The following EGR4 variants were observed in gnomAD, a reference collection of about 807,000 sequenced individuals.
EGR4 encodes early growth response 4.
EGR4 carries 22 observed loss-of-function variants against 25.4 expected under a neutral mutation model. The observed-to-expected ratio is 0.87, with a 90% CI of 0.62 to 1.24. The LOEUF is 1.24. Among genes scored for constraint, EGR4 ranks in the 50% most tolerant of loss-of-function variants. The pLI is 0.00. For missense variants in EGR4, 742 were observed against 702.9 expected, an observed-to-expected ratio of 1.06 and a Z score of -0.63; for synonymous variants, 375 against 320.1, an observed-to-expected ratio of 1.17 and a Z score of -1.83.
chr2:73,291,803 C>T lies in EGR4; in HGVS notation c.1115G>A (p.Cys372Tyr). Residue 372 changes from cysteine to tyrosine, a missense_variant, in exon 2 of 2, where the codon TGC (cysteine) becomes TAC (tyrosine). By Grantham distance (194) the Cys-to-Tyr change is radical. Coordinates refer to ENST00000436467, the MANE Select transcript of EGR4 (RefSeq NM_001965.4). ...GAAGGCCTTGGCGTGCGGCCGCGGGCAGAAGCAGCGCGTGCTGCATTTGCC... is the reference window on the plus strand; with the variant it reads ...GAAGGCCTTGGCGTGCGGCCGCGGGTAGAAGCAGCGCGTGCTGCATTTGCC... ...RGGKCSTRCF[C>Y]PRPHAKAFAC... 1 of 1,594,608 alleles carries T rather than the reference C, an allele frequency of 6.3e-7. No individual in the cohort carries two copies. Among genetic ancestry groups the T allele is most frequent in the South Asian group, 1.1e-5 (1 of 90,478 alleles).
In EGR4 at chr2:73,291,091, C is replaced by T; in HGVS notation, c.*366G>A. 3.4e-6 allele frequency: 1 copy of T among 290,242 alleles called. No homozygotes were observed. The highest frequency in any genetic ancestry group is 6.4e-5 in the East Asian group (1 of 15,560). 18.0% of individuals were successfully genotyped at this position (290,242 alleles called of 1,614,324 possible). A position where few individuals can be genotyped will look rare whatever the true frequency, so the allele number is the denominator to read the frequency against. ...TGGATAAGACACTGCTGTACAAAGT[C>T]CCGCGCGAGACCGCCTTGGCGCTGC... On this transcript the variant is annotated 3_prime_UTR_variant, in exon 2 of 2. Transcript: ENST00000436467.
Position 73,292,330 on chromosome 2 carries a change from G to T in EGR4, c.588C>A (p.Asp196Glu). The T allele has an allele frequency of 6.3e-7, 1 of 1,588,860 alleles. No individual in the cohort carries two copies. The highest frequency in any genetic ancestry group is 1.1e-5 in the South Asian group (1 of 87,944). Residue 196 changes from aspartate (D) to glutamate (E), a missense_variant, in exon 2 of 2, where the codon GAC (aspartate) becomes GAA (glutamate). Transcript: ENST00000436467. ...AGGGACCCTTGAAGGCAGAGACAGC[G>T]TCCAGCGCTGGCGAGGCGGGAGGCG... ...LRAPPASPAL[D>E]AVSAFKGPYA...
chr2:73,292,184 G>A lies in EGR4; in HGVS notation c.734C>T (p.Ser245Phe). 6.3e-7 allele frequency: 1 copy of A among 1,589,060 alleles called. No homozygotes were observed. The highest frequency in any genetic ancestry group is 8.6e-7 in the Non-Finnish European group (1 of 1,167,688). The change falls in exon 2 of 2, where the codon TCC becomes TTC. Residue 245 changes from serine to phenylalanine, a missense_variant. Transcript: ENST00000436467. Reference protein sequence around the residue: ...VIGTKIEDLLSISCPAELPAV... With the variant: ...VIGTKIEDLLFISCPAELPAV... The stretch of plus-strand genomic sequence containing the variant: ...CGGCAGTTCCGCAGGGCAGCTGATG[G>A]ACAGCAAGTCCTCAATCTTGGTCCC...
chr2:73,291,807 A>G lies in EGR4; in HGVS notation c.1111T>C (p.Phe371Leu), dbSNP rs1316617979. ...RRGGKCSTRC[F>L]CPRPHAKAFA... ...GCCTTGGCGTGCGGCCGCGGGCAGAAGCAGCGCGTGCTGCATTTGCCGCCG... is the reference window on the plus strand; with the variant it reads ...GCCTTGGCGTGCGGCCGCGGGCAGAGGCAGCGCGTGCTGCATTTGCCGCCG... The change falls in exon 2 of 2, where the codon TTC becomes CTC. Residue 371 changes from phenylalanine to leucine, a missense_variant. Physicochemically the swap from Phe to Leu is conservative, Grantham distance 22 (BLOSUM62 0). Transcript: ENST00000436467. 1 of 1,594,414 alleles carries G rather than the reference A, an allele frequency of 6.3e-7. No homozygotes were observed. The highest frequency in any genetic ancestry group is 8.5e-7 in the Non-Finnish European group (1 of 1,175,306).
chr2:73,291,482 A>G lies in EGR4; in HGVS notation c.1436T>C (p.Leu479Pro), dbSNP rs749076552. 5.0e-6 allele frequency: 8 copies of G among 1,608,588 alleles called. No individual in the cohort carries two copies. In the Middle Eastern group the frequency reaches 5.1e-4, roughly 102 times the overall value. Residue 479 changes from leucine to proline, a missense_variant, in exon 2 of 2, where the codon CTG (leucine) becomes CCG (proline). By Grantham distance (98) the Leu-to-Pro change is moderately conservative. Coordinates refer to ENST00000436467, the MANE Select transcript of EGR4 (RefSeq NM_001965.4). ...TCAGAGAGAAGCGAAGGAGAGGCCC[A>G]GCGAGTAAAAGCCGAGGCCCTTGAG... ...ERLKGLGFYS[L>P]GLSFASL
Position 73,292,153 on chromosome 2 carries a change from G to C in EGR4, c.765C>G (p.Val255=). The change falls in exon 2 of 2, where the codon GTC becomes GTG. Residue 255 remains valine, a synonymous_variant. Coordinates refer to ENST00000436467, the MANE Select transcript of EGR4 (RefSeq NM_001965.4). ...SISCPAELPA[V]PANRLYPSGA... is the part of the protein sequence containing the mutation. ...CGCTGGGATAGAGTCTGTTGGCTGG[G>C]ACGGCCGGCAGTTCCGCAGGGCAGC... 6.3e-7 allele frequency: 1 copy of C among 1,588,730 alleles called. No homozygotes were observed. Among genetic ancestry groups the C allele is most frequent in the Non-Finnish European group, 8.6e-7 (1 of 1,167,440 alleles).
chr2:73,293,124 A>G, intron 1 of EGR4, 58 bp downstream of exon 1: 2 of 1,374,048 alleles, frequency 1.5e-6, no homozygotes, highest in Non-Finnish European at 1.9e-6. Flanking sequence ...GTTCTCAGGT[A>G]TGGTGCGCCC....
rs1198812514 is a variant in EGR4, at chr2:73,291,691, G to A, written c.1227C>T (p.Pro409=). The stretch of plus-strand genomic sequence containing the variant: ...TGCGGAGGCAGATGCGGCACTGGAA[G>A]GGTTTGTGGCCCGTGTGGATGCGCA... ...RHLRIHTGHK[P]FQCRICLRNF... Residue 409 remains proline (P), a synonymous_variant, in exon 2 of 2, where the codon CCC becomes CCT. Transcript: ENST00000436467. 1.2e-6 allele frequency: 2 copies of A among 1,609,112 alleles called. No homozygotes were observed. The highest frequency in any genetic ancestry group is 2.2e-5 in the East Asian group (1 of 44,860).
At position 73,292,428 on chromosome 2, in the gene EGR4, A is replaced by G; in HGVS notation, c.490T>C (p.Cys164Arg). ...FPEAFWEASP[C>R]AGAPSQCLYE... is the part of the protein sequence containing the mutation. ...AGGCACTGCGAGGGGGCACCCGCGC[A>G]AGGCGAGGCCTCCCAGAACGCCTCT... The change falls in exon 2 of 2, where the codon TGC (cysteine) becomes CGC (arginine). Residue 164 changes from cysteine to arginine, a missense_variant. Coordinates refer to ENST00000436467, the MANE Select transcript of EGR4 (RefSeq NM_001965.4). 1 of 1,497,950 alleles carries G rather than the reference A, an allele frequency of 6.7e-7. No individual in the cohort carries two copies. Among genetic ancestry groups the G allele is most frequent in the East Asian group, 2.3e-5 (1 of 43,056 alleles). 92.8% of individuals were successfully genotyped at this position (1,497,950 alleles called of 1,614,324 possible). A position where few individuals can be genotyped will look rare whatever the true frequency, so the allele number is the denominator to read the frequency against.
rs779091705 is a variant in EGR4 at position 73,292,359 on chromosome 2, G to T, written c.559C>A (p.Arg187=). The T allele has an allele frequency of 6.4e-7, 1 of 1,559,018 alleles. No homozygotes were observed. Among genetic ancestry groups the T allele is most frequent in the Non-Finnish European group, 8.7e-7 (1 of 1,153,860 alleles). ...AGCGCTGGCGAGGCGGGAGGCGCCC[G>T]GAGGCCGGGCTTGACGTCGGGCGGG... ...LSPPDVKPGL[R]APPASPALDA... The change falls in exon 2 of 2, where the codon CGG becomes AGG. Residue 187 remains arginine, a synonymous_variant. Coordinates refer to ENST00000436467, the MANE Select transcript of EGR4 (RefSeq NM_001965.4).
Position 73,291,627 on chromosome 2 carries a change from T to TGC in EGR4, c.1289_1290dup (p.Thr431AlafsTer142), listed in dbSNP as rs752118615. On this transcript the variant is annotated frameshift_variant, in exon 2 of 2. Transcript: ENST00000436467. LOFTEE classifies it high-confidence loss of function. ...GCAAAAGGCTTCTCGCCGGTGTGGG[T>TGC]GCGCACGTGCGTGGTGAGGTGGTCG... The TGC allele has an allele frequency of 6.2e-7, 1 of 1,612,662 alleles. No homozygotes were observed. The highest frequency in any genetic ancestry group is 1.7e-5 in the Admixed American group (1 of 60,012).
rs578121686 is a variant in EGR4, at chr2:73,292,704, G to A, written c.214C>T (p.Pro72Ser). 1.3e-6 allele frequency: 2 copies of A among 1,500,352 alleles called. No individual in the cohort carries two copies. The highest frequency in any genetic ancestry group is 2.4e-5 in the East Asian group (1 of 41,628). 92.9% of individuals were successfully genotyped at this position (1,500,352 alleles called of 1,614,324 possible). Residue 72 changes from proline to serine, a missense_variant, in exon 2 of 2, where the codon CCT becomes TCT. Pro to Ser is a moderately conservative substitution (Grantham distance 74, BLOSUM62 -1). Transcript: ENST00000436467. ...AGGCCGGGAGGGGGTGTGGGCGCAGGCCCCTCCAGGAAGCAGGAGTCGGCT... is the reference window on the plus strand; with the variant it reads ...AGGCCGGGAGGGGGTGTGGGCGCAGACCCCTCCAGGAAGCAGGAGTCGGCT... ...DLADSCFLEG[P>S]APTPPPGLSY...
rs1288599779 is a variant in EGR4, at chr2:73,292,383, G to C, written c.535C>G (p.Pro179Ala). ...CGGAGGCCGGGCTTGACGTCGGGCG[G>C]GGAGAGCTGAGGCTCATACAGGCAC... ...SQCLYEPQLS[P>A]PDVKPGLRAP... Residue 179 changes from proline to alanine, a missense_variant, in exon 2 of 2, where the codon CCG becomes GCG. By Grantham distance (27) the Pro-to-Ala change is conservative (BLOSUM62 -1). Coordinates refer to ENST00000436467, the MANE Select transcript of EGR4 (RefSeq NM_001965.4). 6.5e-7 allele frequency: 1 copy of C among 1,540,114 alleles called. No individual in the cohort carries two copies. The highest frequency in any genetic ancestry group is 1.4e-5 in the African/African-American group (1 of 72,696).
rs1248767366 is a variant in EGR4 at position 73,291,712 on chromosome 2, G to A, written c.1206C>T (p.Arg402=). ...GGAAGGGTTTGTGGCCCGTGTGGAT[G>A]CGCAGGTGGCGATTGAGCTCGTCGG... ...ARSDELNRHL[R]IHTGHKPFQC... is the part of the protein sequence containing the mutation. The change falls in exon 2 of 2, where the codon CGC becomes CGT. Residue 402 remains arginine (R), a synonymous_variant. Transcript: ENST00000436467. 1.2e-6 allele frequency: 2 copies of A among 1,605,998 alleles called. No individual in the cohort carries two copies. The highest frequency in any genetic ancestry group is 1.7e-5 in the Admixed American group (1 of 60,014).
Position 73,292,750 on chromosome 2 carries a change from G to A in EGR4, c.168C>T (p.Ser56=), listed in dbSNP as rs759433622. ...CGGCTAAGTCCCCACTTGCGCCGCA[G>A]CTGTTCAAAGCCCAGCTCAAGAAGT... is the stretch of plus-strand genomic sequence containing the variant. The part of the protein sequence containing the change: ...AGDFLSWALN[S]CGASGDLADS... Residue 56 remains serine, a synonymous_variant, in exon 2 of 2, where the codon AGC becomes AGT. Transcript: ENST00000436467. The A allele has an allele frequency of 7.5e-6, 11 of 1,465,074 alleles. No individual in the cohort carries two copies. In the African/African-American group the frequency reaches 1.6e-4, roughly 21 times the overall value. The allele number at this position is 1,465,074 out of a possible 1,614,324, so 90.8% of individuals were successfully genotyped here.
chr2:73,292,250 C>T lies in EGR4; in HGVS notation c.668G>A (p.Gly223Glu). Residue 223 changes from glycine to glutamate, a missense_variant, in exon 2 of 2, where the codon GGA (glycine) becomes GAA (glutamate). Transcript: ENST00000436467. ...AGCCTCCGGGGCGGCCTGGTAGTCT[C>T]CCTGTGACCCACAGTTCCCTGGGGC... ...VGAPGNCGSQ[G>E]DYQAAPEARF... is the part of the protein sequence containing the mutation. The T allele has an allele frequency of 1.2e-6, 2 of 1,610,888 alleles. No homozygotes were observed. Among genetic ancestry groups the T allele is most frequent in the Non-Finnish European group, 1.7e-6 (2 of 1,178,822 alleles).
Position 73,293,238 on chromosome 2 carries a change from G to A in EGR4, c.80C>T (p.Ala27Val), listed in dbSNP as rs779302657. Residue 27 changes from alanine (A) to valine (V), a missense_variant, in exon 1 of 2, where the codon GCT becomes GTT. By Grantham distance (64) the Ala-to-Val change is moderately conservative. Transcript: ENST00000436467. Reference sequence around the variant, plus strand: ...CCTGGCAGGCAGCCGGGGCAATTCAGCGCTGGGTTCGGCGCAACAGCCTTC... The same window carrying A: ...CCTGGCAGGCAGCCGGGGCAATTCAACGCTGGGTTCGGCGCAACAGCCTTC... Reference protein sequence around the residue: ...STEGCCAEPSAELPRLPARDA... With the variant: ...STEGCCAEPSVELPRLPARDA... 2 of 1,574,036 alleles carry A rather than the reference G, an allele frequency of 1.3e-6. No homozygotes were observed. The highest frequency in any genetic ancestry group is 1.7e-6 in the Non-Finnish European group (2 of 1,162,174).
rs1022693127 is a variant in EGR4, at chr2:73,292,195, C to T, written c.723G>A (p.Glu241=). Residue 241 remains glutamate (E), a synonymous_variant, in exon 2 of 2, where the codon GAG becomes GAA. Transcript: ENST00000436467. ...ARFPVIGTKI[E]DLLSISCPAE... is the part of the protein sequence containing the mutation. ...CAGGGCAGCTGATGGACAGCAAGTC[C>T]TCAATCTTGGTCCCTATTACGGGAA... 1 of 1,591,994 alleles carries T rather than the reference C, an allele frequency of 6.3e-7. No individual in the cohort carries two copies. Among genetic ancestry groups the T allele is most frequent in the Non-Finnish European group, 8.6e-7 (1 of 1,169,290 alleles).
chr2:73,291,484 C>T lies in EGR4; in HGVS notation c.1434G>A (p.Ser478=), dbSNP rs1337198640. Residue 478 remains serine (S), a synonymous_variant, in exon 2 of 2, where the codon TCG becomes TCA. Coordinates refer to ENST00000436467, the MANE Select transcript of EGR4 (RefSeq NM_001965.4). ...EERLKGLGFY[S]LGLSFASL is the part of the protein sequence containing the mutation. ...AGAGAGAAGCGAAGGAGAGGCCCAG[C>T]GAGTAAAAGCCGAGGCCCTTGAGCC... The T allele has an allele frequency of 6.2e-7, 1 of 1,608,218 alleles. No homozygotes were observed.
Sources: allele counts gnomAD v4.1 joint callset, GRCh38; gene constraint gnomAD v4.1.1; transcripts MANE v1.5; gene names NCBI Gene and HGNC (gene_info 2026-07-23, HGNC 2026-07-21).